The following MCHR2 variants were observed in gnomAD, a reference collection of about 807,000 sequenced individuals.
MCHR2 encodes melanin-concentrating hormone receptor 2.
In MCHR2, 15 loss-of-function variants were observed where a neutral mutation model predicts 24.8. The observed-to-expected ratio is 0.60, with a 90% CI of 0.40 to 0.93. MCHR2 has a LOEUF of 0.93. Among genes scored for constraint, MCHR2 ranks in the 40% least tolerant of loss-of-function variants. MCHR2 has a pLI of 0.00. For synonymous variants in MCHR2, 151 were observed against 147.6 expected (o/e 1.02, Z -0.17); for missense variants, 386 against 408.7 (o/e 0.94, Z 0.48).
At chr6:99,987,815 C>T (rs1200200636) in intron 1 of MCHR2, among the ~76,000 whole-genome samples, 1 of 152,106 alleles carries the variant, frequency 6.6e-6, no homozygotes, top group African/African-American at 2.4e-5. Context: ...AAAATAAACA[C>T]TGTTTTAAAA....
chr6:99,950,610 A>T (rs1562124959), intron 2 of MCHR2, among the ~76,000 whole-genome samples: 1 of 152,128 alleles, frequency 6.6e-6, no homozygotes, highest in African/African-American at 2.4e-5. Context: ...AAATACTAAT[A>T]CTATTAAGTA....
intron 4 of MCHR2, 100 bp downstream of exon 4, chr6:99,942,849 T>A: frequency 1.1e-6 from 1 of 921,506 alleles, no homozygotes; most frequent in Non-Finnish European, 1.6e-6. Flanking sequence ...GAGAAGAGGA[T>A]CCATAAGGAT....
intron 5 of MCHR2, among the ~76,000 whole-genome samples, chr6:99,928,605 A>ATT: frequency 6.6e-6 from 1 of 152,066 alleles, no homozygotes; most frequent in East Asian, 1.9e-4. Flanking sequence ...TTTCTTCTAG[A>ATT]TTTTTTAGTT....
At chr6:99,970,688 G>A (rs1045782380) in intron 1 of MCHR2, among the ~76,000 whole-genome samples, 2 of 152,106 alleles carry the variant, frequency 1.3e-5, no homozygotes, top group East Asian at 1.9e-4. Flanking sequence ...GGTTTTTATG[G>A]TTTTAGGTCT....
intron 1 of MCHR2, among the ~76,000 whole-genome samples, chr6:99,974,725 C>T (rs1775512578): frequency 6.6e-6 from 1 of 152,132 alleles, no homozygotes. Flanking sequence ...TGGTGACATA[C>T]AGAAGGGTTT....
chr6:99,937,342 T>A (rs1205814076), intron 4 of MCHR2, among the ~76,000 whole-genome samples: 1 of 151,998 alleles, frequency 6.6e-6, no homozygotes, highest in Admixed American at 6.6e-5. Context: ...TAGCTGTAAG[T>A]ATGTCATGTA....
intron 1 of MCHR2, among the ~76,000 whole-genome samples, chr6:99,991,205 C>A (rs1051111241): frequency 6.6e-6 from 1 of 151,876 alleles, no homozygotes; most frequent in Non-Finnish European, 1.5e-5. Flanking sequence ...CCACAGGAGA[C>A]CCTAGCGGTG....
rs151044924 is a variant in MCHR2, at chr6:99,943,032, G to A, written c.504C>T (p.Val168=). 3.7e-6 allele frequency: 6 copies of A among 1,613,146 alleles called. No homozygotes were observed. Among genetic ancestry groups the A allele is most frequent in the Non-Finnish European group, 3.4e-6 (4 of 1,179,400 alleles). ...ATTTGATGACCTTCGAGTAGACCCAGACAGGCAATGCCAGGATAAAGGAAG... is the reference window on the plus strand; with the variant it reads ...ATTTGATGACCTTCGAGTAGACCCAAACAGGCAATGCCAGGATAAAGGAAG... ...WAASFILALP[V]WVYSKVIKFK... Residue 168 remains valine, a synonymous_variant, in exon 4 of 6, where the codon GTC becomes GTT. Transcript: ENST00000281806.
chr6:99,985,082 C>T (rs1775746715), intron 1 of MCHR2, among the ~76,000 whole-genome samples: 2 of 151,732 alleles, frequency 1.3e-5, no homozygotes, highest in African/African-American at 4.8e-5. Context: ...ACAATAGCTA[C>T]CAAAATAAAA....
In MCHR2 at chr6:99,943,747, T is replaced by C. The variant is rs75057988; in HGVS notation, c.393-604A>G. ...AGTCTGAATAAACCACTCACTGAAA[T>C]AGTTGTTCCTTCTATGAATACATTG... On this transcript the variant is annotated intron_variant, in intron 3 of 5. Coordinates refer to ENST00000281806, the MANE Select transcript of MCHR2 (RefSeq NM_001040179.2). 7.2e-3 allele frequency among the ~76,000 whole-genome samples: 1,092 copies of C among 152,292 alleles called. 13 individuals carry two copies. The highest frequency in any genetic ancestry group is 0.025 in the African/African-American group (1,053 of 41,562).
At chr6:99,952,407 G>T (rs1774981949) in intron 2 of MCHR2, among the ~76,000 whole-genome samples, 1 of 152,128 alleles carries the variant, frequency 6.6e-6, no homozygotes. Context: ...GGCAAAGTCA[G>T]AAATTAGTTC....
At chr6:99,936,475 G>A (rs891542980) in intron 4 of MCHR2, among the ~76,000 whole-genome samples, 8 of 151,432 alleles carry the variant, frequency 5.3e-5, no homozygotes, top group Admixed American at 1.3e-4. Context: ...TCCATTCTTG[G>A]CTCCTTTGAT....
chr6:99,941,691 G>T, intron 4 of MCHR2, among the ~76,000 whole-genome samples: 1 of 152,106 alleles, frequency 6.6e-6, no homozygotes, highest in South Asian at 2.1e-4. Context: ...ACCTGGAAGA[G>T]GGCTGTCATC....
At chr6:99,988,624 ACT>A (rs1443535734) in intron 1 of MCHR2, among the ~76,000 whole-genome samples, 1 of 152,164 alleles carries the variant, frequency 6.6e-6, no homozygotes, top group Non-Finnish European at 1.5e-5. Flanking sequence ...CTTGCCTGAA[ACT>A]CAGAGCCACC....
chr6:99,981,913 C>T (rs1775676389), intron 1 of MCHR2, among the ~76,000 whole-genome samples: 1 of 152,132 alleles, frequency 6.6e-6, no homozygotes, highest in Non-Finnish European at 1.5e-5. Context: ...ATGCACTTCC[C>T]CAAAACTGCT....
chr6:99,980,702 T>C (rs1284647269), intron 1 of MCHR2, among the ~76,000 whole-genome samples: 1 of 152,198 alleles, frequency 6.6e-6, no homozygotes, highest in Non-Finnish European at 1.5e-5. Context: ...ACCCTCTATA[T>C]TGGGATTTTC....
chr6:99,932,723 A>C (rs1361768155), intron 5 of MCHR2, among the ~76,000 whole-genome samples: 4 of 152,204 alleles, frequency 2.6e-5, no homozygotes, highest in African/African-American at 7.2e-5. Flanking sequence ...AAGACTATGA[A>C]GGTCATGAAA....
intron 1 of MCHR2, among the ~76,000 whole-genome samples, chr6:99,980,071 T>C (rs1042525125): frequency 1.3e-5 from 2 of 152,118 alleles, no homozygotes; most frequent in African/African-American, 4.8e-5. Context: ...AAGATCTTTG[T>C]TTAATTTGAT....
chr6:99,928,130 G>A (rs570139746), intron 5 of MCHR2, among the ~76,000 whole-genome samples: 55 of 152,186 alleles, frequency 3.6e-4, no homozygotes, highest in Admixed American at 2.5e-3. Context: ...TTTATATTGC[G>A]GATTACCTTT....
Sources: gnomAD v4.1 joint callset for allele counts (sites outside exome capture counted in the v4.1 genomes callset) on GRCh38, gnomAD v4.1.1 for gene constraint, MANE v1.5 for transcripts, NCBI Gene and HGNC (gene_info 2026-07-23, HGNC 2026-07-21) for gene names.